The following SLC4A10 variants were observed in gnomAD, a reference collection of about 807,000 sequenced individuals.
SLC4A10 encodes the protein solute carrier family 4 member 10, also known as sodium-driven chloride bicarbonate exchanger.
A neutral mutation model predicts 137.7 loss-of-function variants in SLC4A10; 42 were observed. The ratio of observed to expected loss-of-function variants is 0.30; its 90% CI spans 0.24 to 0.39. The LOEUF is 0.39. Among genes scored for constraint, SLC4A10 ranks in the 10% least tolerant of loss-of-function variants. The pLI is 1.00. For synonymous variants in SLC4A10, 474 were observed against 464.1 expected (o/e 1.02, Z -0.27); for missense variants, 925 against 1,355.0 (o/e 0.68, Z 4.98).
At chr2:161,670,205 G>T (rs1362839478) in intron 1 of SLC4A10, among the ~76,000 whole-genome samples, 2 of 151,698 alleles carry the variant, frequency 1.3e-5, no homozygotes, top group Admixed American at 1.3e-4. Context: ...TGCTGAGAAG[G>T]AGCCTTTTAA....
chr2:161,767,090 G>A, intron 1 of SLC4A10, among the ~76,000 whole-genome samples: 1 of 69,052 alleles, frequency 1.4e-5, no homozygotes, highest in East Asian at 5.8e-4. Flanking sequence ...AAAGAATTAA[G>A]AAGCATATAT....
At chr2:161,689,617 A>G (rs1270913441) in intron 1 of SLC4A10, among the ~76,000 whole-genome samples, 2 of 152,204 alleles carry the variant, frequency 1.3e-5, no homozygotes, top group Admixed American at 1.3e-4. Context: ...TGTCCCTGTC[A>G]TTAAGTGAGG....
Position 161,971,680 on chromosome 2 carries a change from T to G in SLC4A10, c.3160-2569T>G, listed in dbSNP as rs575180716. Among the ~76,000 whole-genome samples, 28 of 152,296 alleles carry G rather than the reference T, an allele frequency of 1.8e-4. 1 individual carries two copies. In the South Asian group the frequency reaches 5.6e-3, roughly 30 times the overall value. On this transcript the variant is annotated intron_variant, in intron 23 of 26. Coordinates refer to ENST00000446997, the MANE Select transcript of SLC4A10 (RefSeq NM_001178015.2). ...CTGCTCCTCCTCAGAAAGCCTCAAT[T>G]TTTGGCTTTCTCACAGTGCTGCCGG... is the stretch of plus-strand genomic sequence containing the variant.
intron 9 of SLC4A10, among the ~76,000 whole-genome samples, chr2:161,879,732 T>C (rs747038373): frequency 1.3e-5 from 2 of 152,084 alleles, no homozygotes; most frequent in South Asian, 4.1e-4. Flanking sequence ...TCAAAATGCA[T>C]GTAAGTGCCA....
chr2:161,717,985 G>A (rs1422230964), intron 1 of SLC4A10, among the ~76,000 whole-genome samples: 2 of 151,814 alleles, frequency 1.3e-5, no homozygotes, highest in East Asian at 3.9e-4. Context: ...ATTGGTTATT[G>A]GTTATTGATT....
At chr2:161,780,256 C>T (rs959045449) in intron 2 of SLC4A10, among the ~76,000 whole-genome samples, 3 of 152,014 alleles carry the variant, frequency 2.0e-5, no homozygotes, top group Non-Finnish European at 4.4e-5. Flanking sequence ...TATATCTCCA[C>T]ATAACCAGAT....
chr2:161,737,006 A>G (rs939522769), intron 1 of SLC4A10, among the ~76,000 whole-genome samples: 6 of 151,460 alleles, frequency 4.0e-5, no homozygotes, highest in Admixed American at 6.6e-5. Flanking sequence ...AATTACAGGT[A>G]TGCACGACCA....
At chr2:161,933,010 A>G (rs1690698382) in intron 15 of SLC4A10, among the ~76,000 whole-genome samples, 1 of 152,174 alleles carries the variant, frequency 6.6e-6, no homozygotes, top group Non-Finnish European at 1.5e-5. Flanking sequence ...CACTTAACAT[A>G]ATGTCCTTGA....
At chr2:161,815,353 C>A (rs1341545140) in intron 3 of SLC4A10, among the ~76,000 whole-genome samples, 1 of 152,082 alleles carries the variant, frequency 6.6e-6, no homozygotes, top group African/African-American at 2.4e-5. Flanking sequence ...ATTTATAAGG[C>A]AGTGTTCCCA....
intron 3 of SLC4A10, among the ~76,000 whole-genome samples, chr2:161,827,910 A>G (rs7589581): frequency 0.038 from 5,728 of 152,190 alleles, 170 homozygotes; most frequent in African/African-American, 0.071. Context: ...TTTTACATCT[A>G]TAATTTCCTC....
chr2:161,639,936 A>G (rs1041468324), intron 1 of SLC4A10, among the ~76,000 whole-genome samples: 1 of 152,202 alleles, frequency 6.6e-6, no homozygotes, highest in Admixed American at 6.5e-5. Flanking sequence ...TGCAGAATAC[A>G]AAGTACAAAA....
intron 1 of SLC4A10, among the ~76,000 whole-genome samples, chr2:161,720,460 G>T (rs1053278809): frequency 2.6e-5 from 4 of 152,098 alleles, no homozygotes; most frequent in Non-Finnish European, 5.9e-5. Flanking sequence ...GATGGGGATG[G>T]CATTGAATCT....
intron 1 of SLC4A10, among the ~76,000 whole-genome samples, chr2:161,732,908 T>C (rs929960066): frequency 8.5e-5 from 13 of 152,180 alleles, no homozygotes; most frequent in Non-Finnish European, 1.9e-4. Flanking sequence ...ATTTTACCCC[T>C]GCCCTAGTGA....
Position 161,984,350 on chromosome 2 carries a change from T to G in SLC4A10, c.*1198T>G, listed in dbSNP as rs1700584967. 6.6e-6 allele frequency: 1 copy of G among 152,206 alleles called. No individual in the cohort carries two copies. The highest frequency in any genetic ancestry group is 1.5e-5 in the Non-Finnish European group (1 of 68,012). 9.4% of individuals were successfully genotyped at this position (152,206 alleles called of 1,614,324 possible). On this transcript the variant is annotated 3_prime_UTR_variant, in exon 27 of 27. Coordinates refer to ENST00000446997, the MANE Select transcript of SLC4A10 (RefSeq NM_001178015.2). The stretch of plus-strand genomic sequence containing the variant: ...ACTTATATAAGGGGAGAGAAAGTTA[T>G]GAAGTTTTGGACATTACTAAAAGTA...
At chr2:161,646,798 T>C (rs1012469239) in intron 1 of SLC4A10, among the ~76,000 whole-genome samples, 8 of 152,088 alleles carry the variant, frequency 5.3e-5, no homozygotes, top group African/African-American at 1.9e-4. Context: ...TTTTTTATCC[T>C]TGACACAGTG....
intron 20 of SLC4A10, 69 bp downstream of exon 20, chr2:161,957,309 A>G: frequency 6.7e-7 from 1 of 1,503,344 alleles, no homozygotes; most frequent in Non-Finnish European, 8.9e-7. Flanking sequence ...TTTTCATTTG[A>G]ATCTGAGCCA....
chr2:161,851,380 G>A (rs373334417), intron 4 of SLC4A10, among the ~76,000 whole-genome samples: 18 of 152,248 alleles, frequency 1.2e-4, no homozygotes, highest in African/African-American at 4.3e-4. Context: ...CTTGTTTTAT[G>A]AATCTGGGTG....
intron 1 of SLC4A10, among the ~76,000 whole-genome samples, chr2:161,675,017 A>G (rs1033740244): frequency 1.3e-5 from 2 of 152,242 alleles, no homozygotes; most frequent in African/African-American, 2.4e-5. Context: ...GGACTTTAAT[A>G]AAAACTTCTT....
chr2:161,788,381 G>A (rs1489972369), intron 2 of SLC4A10, among the ~76,000 whole-genome samples: 4 of 152,026 alleles, frequency 2.6e-5, no homozygotes, highest in African/African-American at 9.6e-5. Context: ...CAGTCAAGTA[G>A]GAGGTGCTTA....
Sources: allele counts gnomAD v4.1 joint callset (sites outside exome capture counted in the v4.1 genomes callset), GRCh38; gene constraint gnomAD v4.1.1; transcripts MANE v1.5; gene names NCBI Gene and HGNC (gene_info 2026-07-23, HGNC 2026-07-21).